Variants in PPP3CA observed in about 807,000 individuals in gnomAD.
PPP3CA encodes CAM-PRP catalytic subunit.
Under a neutral mutation model 66.5 loss-of-function variants are expected in PPP3CA, and 14 were observed. The ratio of observed to expected loss-of-function variants is 0.21; its 90% confidence interval spans 0.14 to 0.33. The LOEUF is 0.33. PPP3CA is among the 10% of genes least tolerant of loss of function. The probability of loss-of-function intolerance (pLI) is 1.00; values close to 1 mark genes in which losing one functional copy is unlikely to be tolerated. For synonymous variants in PPP3CA, 232 were observed against 226.2 expected, an observed-to-expected ratio of 1.03 and a Z score of -0.23; for missense variants, 317 against 639.5, an observed-to-expected ratio of 0.50 and a Z score of 5.44.
In PPP3CA at chr4:101,186,439, C is replaced by T. The variant is rs80052964; in HGVS notation, c.259+9477G>A. Among the ~76,000 whole-genome samples the T allele has an allele frequency of 3.8e-3, 584 of 152,232 alleles. 5 individuals carry two copies. Among genetic ancestry groups the T allele is most frequent in the African/African-American group, 0.013 (557 of 41,538 alleles). ...CAAACATGAAATGAAAATGTATTTA[C>T]ATCCAAATGATTCTCAATCATCAAA... On this transcript the variant is annotated intron_variant, in intron 2 of 13. Transcript: ENST00000394854.
chr4:101,339,281 T>C (rs1729733303), intron 1 of PPP3CA, among the ~76,000 whole-genome samples: 1 of 152,206 alleles, frequency 6.6e-6, no homozygotes, highest in Non-Finnish European at 1.5e-5. Context: ...AGTCCAAATC[T>C]AGACAATAAC....
chr4:101,302,499 A>G (rs1192247380), intron 1 of PPP3CA, among the ~76,000 whole-genome samples: 1 of 152,220 alleles, frequency 6.6e-6, no homozygotes, highest in Non-Finnish European at 1.5e-5. Context: ...TTAACAGAAC[A>G]TGACATGACA....
chr4:101,326,513 T>C (rs1192449530), intron 1 of PPP3CA, among the ~76,000 whole-genome samples: 1 of 152,228 alleles, frequency 6.6e-6, no homozygotes, highest in African/African-American at 2.4e-5. Flanking sequence ...AATGTGTTTC[T>C]AAAATGCAAA....
intron 1 of PPP3CA, among the ~76,000 whole-genome samples, chr4:101,219,938 A>G (rs569764239): frequency 1.3e-5 from 2 of 151,978 alleles, no homozygotes; most frequent in African/African-American, 4.8e-5. Context: ...AATAAATGTT[A>G]CTGAACGTCC....
At chr4:101,078,266 A>G (rs1188989932) in intron 8 of PPP3CA, among the ~76,000 whole-genome samples, 1 of 152,232 alleles carries the variant, frequency 6.6e-6, no homozygotes, top group African/African-American at 2.4e-5. Context: ...AAATTCCTGC[A>G]TTCCCTGCAG....
chr4:101,217,178 C>A lies in PPP3CA; in HGVS notation c.59-21062G>T, dbSNP rs78832101. Among the ~76,000 whole-genome samples, 688 of 152,164 alleles carry A rather than the reference C, an allele frequency of 4.5e-3. 8 individuals are homozygous for A. Among genetic ancestry groups the A allele is most frequent in the Admixed American group, 0.014 (209 of 15,258 alleles). On this transcript the variant is annotated intron_variant, in intron 1 of 13. Coordinates refer to ENST00000394854, the MANE Select transcript of PPP3CA (RefSeq NM_000944.5). ...TTTCATTTATCCCTGGAGCACTTTA[C>A]TCTGGTATCAATAGTTCTGAATATG...
At chr4:101,307,187 CAG>C (rs1040597717) in intron 1 of PPP3CA, among the ~76,000 whole-genome samples, 16 of 122,318 alleles carry the variant, frequency 1.3e-4, no homozygotes, top group African/African-American at 5.1e-4. Context: ...AAAAAAAAAA[CAG>C]ATTCTGTTGG....
At chr4:101,146,887 C>G (rs1217000394) in intron 2 of PPP3CA, among the ~76,000 whole-genome samples, 1 of 152,160 alleles carries the variant, frequency 6.6e-6, no homozygotes, top group Non-Finnish European at 1.5e-5. Flanking sequence ...CTTATTGGTT[C>G]AGCAGCCCTA....
At chr4:101,264,672 C>T (rs1006505545) in intron 1 of PPP3CA, among the ~76,000 whole-genome samples, 1 of 152,162 alleles carries the variant, frequency 6.6e-6, no homozygotes, top group African/African-American at 2.4e-5. Flanking sequence ...AGCCCAGTTG[C>T]ACAGTGACCT....
chr4:101,325,914 G>A (rs1327708422), intron 1 of PPP3CA, among the ~76,000 whole-genome samples: 8 of 152,118 alleles, frequency 5.3e-5, no homozygotes, highest in Non-Finnish European at 8.8e-5. Flanking sequence ...GAGGTTAGGC[G>A]GATCACTTGA....
At chr4:101,277,462 A>G (rs879943018) in intron 1 of PPP3CA, among the ~76,000 whole-genome samples, 3 of 152,230 alleles carry the variant, frequency 2.0e-5, no homozygotes, top group Non-Finnish European at 2.9e-5. Flanking sequence ...GATTTGTTTA[A>G]ATGTCCCAAT....
At chr4:101,080,691 T>C (rs925635873) in intron 7 of PPP3CA, 65 bp from the exon 8 acceptor site, 36 of 1,003,254 alleles carry the variant, frequency 3.6e-5, no homozygotes, top group Middle Eastern at 2.9e-4. Flanking sequence ...AAATCATAGA[T>C]TGAGAAATAG....
chr4:101,233,877 T>C lies in PPP3CA; in HGVS notation c.59-37761A>G, dbSNP rs543514739. ...TTCATCACTCAGGTAGGAGGCGTCA[T>C]ACCCAATAGATATTTTTTTCTGATC... is the stretch of plus-strand genomic sequence containing the variant. On this transcript the variant is annotated intron_variant, in intron 1 of 13. Coordinates refer to ENST00000394854, the MANE Select transcript of PPP3CA (RefSeq NM_000944.5). Among the ~76,000 whole-genome samples, 4 of 151,800 alleles carry C rather than the reference T, an allele frequency of 2.6e-5. 1 individual carries two copies. In the South Asian group the frequency reaches 8.3e-4, roughly 31 times the overall value.
At chr4:101,279,242 T>C (rs559928371) in intron 1 of PPP3CA, among the ~76,000 whole-genome samples, 1 of 151,600 alleles carries the variant, frequency 6.6e-6, no homozygotes, top group South Asian at 2.1e-4. Context: ...CAAAAAAAAA[T>C]GTGTGATCCA....
chr4:101,037,359 AG>A (rs1194752062), intron 11 of PPP3CA, among the ~76,000 whole-genome samples: 1 of 152,242 alleles, frequency 6.6e-6, no homozygotes, highest in Non-Finnish European at 1.5e-5. Context: ...TTTATCTGCA[AG>A]GACTGCTGAA....
At chr4:101,045,713 T>C (rs1415555683) in intron 10 of PPP3CA, among the ~76,000 whole-genome samples, 4 of 152,176 alleles carry the variant, frequency 2.6e-5, no homozygotes, top group Admixed American at 1.3e-4. Flanking sequence ...GTAAAGGCTT[T>C]AGCATAGTAG....
intron 1 of PPP3CA, among the ~76,000 whole-genome samples, chr4:101,262,828 T>C (rs1727050115): frequency 6.6e-6 from 1 of 152,204 alleles, no homozygotes; most frequent in African/African-American, 2.4e-5. Flanking sequence ...GTTAGTGGGC[T>C]GGCTACTTTG....
At chr4:101,303,996 G>A (rs1728460082) in intron 1 of PPP3CA, among the ~76,000 whole-genome samples, 1 of 152,042 alleles carries the variant, frequency 6.6e-6, no homozygotes, top group African/African-American at 2.4e-5. Flanking sequence ...CTGACGCCCT[G>A]TACATATTAG....
intron 2 of PPP3CA, among the ~76,000 whole-genome samples, chr4:101,168,091 T>G (rs1723750493): frequency 6.6e-6 from 1 of 152,048 alleles, no homozygotes; most frequent in South Asian, 2.1e-4. Flanking sequence ...ACACTTTAGA[T>G]AGAGGCCACT....
Sources: gnomAD v4.1 joint callset for allele counts (sites outside exome capture counted in the v4.1 genomes callset) on GRCh38, gnomAD v4.1.1 for gene constraint, MANE v1.5 for transcripts, NCBI Gene and HGNC (gene_info 2026-07-23, HGNC 2026-07-21) for gene names.